Variants in ARHGAP6 observed in about 807,000 individuals in gnomAD.
ARHGAP6 encodes the protein rho GTPase-activating protein 6.
ARHGAP6 carries 16 observed loss-of-function variants against 55.7 expected under a neutral mutation model. That is an observed-to-expected ratio of 0.29 (90% CI 0.19 to 0.44). The LOEUF is 0.44. Among genes scored for constraint, ARHGAP6 ranks in the 20% least tolerant of loss-of-function variants. The pLI, the probability that ARHGAP6 is intolerant of heterozygous loss-of-function variation, is 1.00. For synonymous variants in ARHGAP6, 382 were observed against 360.9 expected (o/e 1.06, Z -0.66); for missense variants, 698 against 808.9 (o/e 0.86, Z 1.66).
chrX:11,294,896 T>C, intron 1 of ARHGAP6: 4 of 1,155,284 alleles, frequency 3.5e-6, no homozygotes, highest in Non-Finnish European at 4.7e-6. Flanking sequence ...AACTTGGACA[T>C]AAAAATCTGC....
At chrX:11,526,111 T>A (rs1262468305) in intron 1 of ARHGAP6, among the ~76,000 whole-genome samples, 1 of 111,600 alleles carries the variant, frequency 9.0e-6, no homozygotes, top group Non-Finnish European at 1.9e-5. Context: ...TGGGAGAAGA[T>A]CCCAGGAAGC....
chrX:11,559,423 G>A (rs1334165087), intron 1 of ARHGAP6, among the ~76,000 whole-genome samples: 2 of 110,779 alleles, frequency 1.8e-5, no homozygotes, highest in South Asian at 3.9e-4. Flanking sequence ...GTTGTCCTCC[G>A]GGATAATATG....
intron 1 of ARHGAP6, among the ~76,000 whole-genome samples, chrX:11,392,269 C>CT (rs1227393298): frequency 8.9e-6 from 1 of 111,817 alleles, no homozygotes; most frequent in Non-Finnish European, 1.9e-5. Flanking sequence ...CTGGAAGGCT[C>CT]TTTCAGCAGA....
intron 1 of ARHGAP6, among the ~76,000 whole-genome samples, chrX:11,564,673 G>A (rs1262999866): frequency 1.8e-5 from 2 of 111,823 alleles, no homozygotes; most frequent in Admixed American, 1.9e-4. Context: ...TTTATGACTT[G>A]TAACATGTAG....
At chrX:11,573,507 G>A (rs200589582) in intron 1 of ARHGAP6, among the ~76,000 whole-genome samples, 24,837 of 106,784 alleles carry the variant, frequency 0.23, 2,624 homozygotes, top group Middle Eastern at 0.35. Flanking sequence ...GATATGCGGC[G>A]TTATTTCTGA....
At chrX:11,301,648 G>T (rs2048176274) in intron 1 of ARHGAP6, among the ~76,000 whole-genome samples, 1 of 111,567 alleles carries the variant, frequency 9.0e-6, no homozygotes, top group African/African-American at 3.3e-5. Flanking sequence ...TTTTTTAAAG[G>T]TAGAAAAGCT....
chrX:11,456,484 A>G (rs1366559958), intron 1 of ARHGAP6, among the ~76,000 whole-genome samples: 1 of 112,178 alleles, frequency 8.9e-6, no homozygotes, highest in Non-Finnish European at 1.9e-5. Context: ...GAAATGGGAC[A>G]GAATTTAGCT....
intron 11 of ARHGAP6, chrX:11,143,529 T>C: frequency 3.6e-6 from 3 of 824,121 alleles, no homozygotes; most frequent in Non-Finnish European, 4.4e-6. Context: ...TGTCATTGGA[T>C]ACTAACACTA....
chrX:11,442,313 T>TAA (rs777850004), intron 1 of ARHGAP6, among the ~76,000 whole-genome samples: 277 of 99,934 alleles, frequency 2.8e-3, no homozygotes, highest in African/African-American at 9.1e-3. Context: ...ACCCTCTTCT[T>TAA]AAAAAAAAAA....
At chrX:11,480,690 C>T (rs961605124) in intron 1 of ARHGAP6, among the ~76,000 whole-genome samples, 15 of 112,069 alleles carry the variant, frequency 1.3e-4, no homozygotes, top group African/African-American at 4.5e-4. Flanking sequence ...TGCTTTTCCT[C>T]CCCCCAGTCT....
chrX:11,294,822 G>A (rs1020946655), intron 1 of ARHGAP6: 4 of 1,211,602 alleles, frequency 3.3e-6, no homozygotes, highest in Non-Finnish European at 4.5e-6. Flanking sequence ...CTGCCTCCTG[G>A]GAGCAGCTTT....
intron 1 of ARHGAP6, among the ~76,000 whole-genome samples, chrX:11,415,185 G>A (rs1416028254): frequency 2.7e-5 from 3 of 111,642 alleles, no homozygotes. Flanking sequence ...ATCCAGGGAG[G>A]TGATTCTGAA....
chrX:11,538,128 C>T (rs2051121925), intron 1 of ARHGAP6, among the ~76,000 whole-genome samples: 1 of 112,063 alleles, frequency 8.9e-6, no homozygotes, highest in Admixed American at 9.5e-5. Flanking sequence ...CTTATAGCTT[C>T]TCTATGGCCC....
intron 2 of ARHGAP6, among the ~76,000 whole-genome samples, chrX:11,242,289 C>G (rs1449180625): frequency 2.7e-5 from 3 of 112,204 alleles, no homozygotes; most frequent in Non-Finnish European, 5.6e-5. Context: ...GGTTTAGATG[C>G]CATAGCTTTA....
chrX:11,582,604 G>GA (rs992681004), intron 1 of ARHGAP6, among the ~76,000 whole-genome samples: 49 of 111,259 alleles, frequency 4.4e-4, no homozygotes, highest in African/African-American at 1.5e-3. Context: ...CACATATAAG[G>GA]AAAAAAAGCA....
chrX:11,349,186 T>C (rs748536608), intron 1 of ARHGAP6, among the ~76,000 whole-genome samples: 1 of 110,944 alleles, frequency 9.0e-6, no homozygotes, highest in Admixed American at 9.6e-5. Flanking sequence ...TGGAAAGGAA[T>C]TTGCTGAACA....
chrX:11,176,141 G>T (rs2046209836), intron 8 of ARHGAP6, among the ~76,000 whole-genome samples: 1 of 96,573 alleles, frequency 1.0e-5, no homozygotes, highest in Non-Finnish European at 2.1e-5. Context: ...TCTGTGGGTT[G>T]CTAGGTAAGT....
chrX:11,590,042 G>A (rs1261572800), intron 1 of ARHGAP6, among the ~76,000 whole-genome samples: 3 of 111,598 alleles, frequency 2.7e-5, no homozygotes, highest in African/African-American at 9.8e-5. Flanking sequence ...ATTATGAGAA[G>A]GGCAGGGTGA....
intron 1 of ARHGAP6, among the ~76,000 whole-genome samples, chrX:11,414,129 G>T (rs1472924900): frequency 1.8e-5 from 2 of 111,959 alleles, no homozygotes; most frequent in African/African-American, 6.5e-5. Context: ...GGTAATTTGA[G>T]ACATAGCATT....
Sources: gnomAD v4.1 joint callset for allele counts (sites outside exome capture counted in the v4.1 genomes callset) on GRCh38, gnomAD v4.1.1 for gene constraint, MANE v1.5 for transcripts, NCBI Gene and HGNC (gene_info 2026-07-23, HGNC 2026-07-21) for gene names.